The following CDH18 variants were observed in gnomAD, a reference collection of about 807,000 sequenced individuals.
CDH18 encodes cadherin 18, also known as cadherin-18.
Under a neutral mutation model 67.9 loss-of-function variants are expected in CDH18, and 31 were observed. That is an observed-to-expected ratio of 0.46 (90% CI 0.34 to 0.62). The LOEUF (loss-of-function observed/expected upper bound fraction) is 0.62, where lower values mean the gene tolerates loss of function less well. Among genes scored for constraint, CDH18 ranks in the 20% least tolerant of loss-of-function variants. The pLI, the probability that CDH18 is intolerant of heterozygous loss-of-function variation, is 0.01. For missense variants in CDH18, 890 were observed against 975.5 expected (o/e 0.91, Z 1.17); for synonymous variants, 362 against 347.2 (o/e 1.04, Z -0.48).
At chr5:20,172,819 T>C (rs1052511096) in intron 2 of CDH18, among the ~76,000 whole-genome samples, 1 of 151,796 alleles carries the variant, frequency 6.6e-6, no homozygotes, top group Non-Finnish European at 1.5e-5. Flanking sequence ...GGAGAAACCC[T>C]GTCTCTGCTA....
intron 2 of CDH18, among the ~76,000 whole-genome samples, chr5:20,075,661 G>A (rs1345395349): frequency 2.0e-5 from 3 of 152,122 alleles, no homozygotes; most frequent in South Asian, 2.1e-4. Flanking sequence ...TTTTTCATGC[G>A]AGGAGAAGGC....
chr5:20,417,187 G>A (rs1427712017), intron 1 of CDH18, among the ~76,000 whole-genome samples: 1 of 152,074 alleles, frequency 6.6e-6, no homozygotes, highest in Non-Finnish European at 1.5e-5. Flanking sequence ...GTAATTTGCT[G>A]ATAGTTTGTA....
At chr5:20,297,551 G>C (rs953103033) in intron 1 of CDH18, among the ~76,000 whole-genome samples, 3 of 152,118 alleles carry the variant, frequency 2.0e-5, no homozygotes, top group Non-Finnish European at 4.4e-5. Flanking sequence ...ATGAAAAAAG[G>C]CAAGTTGTGG....
chr5:19,690,797 A>G (rs1008879343), intron 5 of CDH18, among the ~76,000 whole-genome samples: 16 of 151,884 alleles, frequency 1.1e-4, no homozygotes, highest in African/African-American at 3.9e-4. Context: ...AAAAGCCTCA[A>G]AAGAGAGAAA....
intron 3 of CDH18, among the ~76,000 whole-genome samples, chr5:19,761,176 G>T: frequency 6.6e-6 from 1 of 152,016 alleles, no homozygotes; most frequent in East Asian, 1.9e-4. Flanking sequence ...CTGTTTTTCC[G>T]CAATTTCAGC....
intron 1 of CDH18, among the ~76,000 whole-genome samples, chr5:20,455,185 T>A (rs952650840): frequency 2.6e-5 from 4 of 152,080 alleles, no homozygotes; most frequent in African/African-American, 9.7e-5. Flanking sequence ...AAGAACGAGC[T>A]GATGGACTTT....
At chr5:19,504,765 T>C (rs1376910632) in intron 10 of CDH18, among the ~76,000 whole-genome samples, 1 of 152,074 alleles carries the variant, frequency 6.6e-6, no homozygotes, top group African/African-American at 2.4e-5. Context: ...GATTCTCCAG[T>C]GTGTGACCCT....
chr5:20,073,455 T>A (rs1418825586), intron 2 of CDH18, among the ~76,000 whole-genome samples: 3 of 152,050 alleles, frequency 2.0e-5, no homozygotes, highest in Admixed American at 6.6e-5. Context: ...ACCAGAATTT[T>A]TTTCTGTTGA....
intron 9 of CDH18, among the ~76,000 whole-genome samples, chr5:19,526,363 G>A (rs998896052): frequency 6.6e-6 from 1 of 152,122 alleles, no homozygotes; most frequent in African/African-American, 2.4e-5. Context: ...CCCCTCTAGA[G>A]ATAGTGATAC....
chr5:19,629,698 C>T (rs1231957466), intron 5 of CDH18, among the ~76,000 whole-genome samples: 3 of 152,114 alleles, frequency 2.0e-5, no homozygotes, highest in Admixed American at 6.6e-5. Flanking sequence ...ATTGGTTGAA[C>T]AAATTAGCTG....
intron 5 of CDH18, among the ~76,000 whole-genome samples, chr5:19,712,495 A>T (rs1399353284): frequency 6.6e-6 from 1 of 151,910 alleles, no homozygotes; most frequent in Non-Finnish European, 1.5e-5. Context: ...AAGATCAGAG[A>T]TTAGTTCTAA....
chr5:19,805,116 T>G (rs1777899961), intron 3 of CDH18, among the ~76,000 whole-genome samples: 1 of 151,886 alleles, frequency 6.6e-6, no homozygotes, highest in African/African-American at 2.4e-5. Context: ...CTGGCTAATT[T>G]TTGTATTTAT....
chr5:20,565,620 C>T (rs1581209093), intron 1 of CDH18, among the ~76,000 whole-genome samples: 1 of 151,766 alleles, frequency 6.6e-6, no homozygotes, highest in Non-Finnish European at 1.5e-5. Context: ...TTTCTTAGTG[C>T]TTTTGTGAAT....
chr5:19,522,250 C>CA lies in CDH18; in HGVS notation c.1391-1473dup, dbSNP rs11398487. Reference sequence around the variant, plus strand: ...TGCAATATTCATATATTCTAAAAACCATCCAATAAAACAACAAATGACAAG... The same window carrying CA: ...TGCAATATTCATATATTCTAAAAACCAATCCAATAAAACAACAAATGACAAG... On this transcript the variant is annotated intron_variant, in intron 9 of 12. Transcript: ENST00000382275. 9.4e-3 allele frequency among the ~76,000 whole-genome samples: 1,423 copies of CA among 151,694 alleles called. 27 individuals carry two copies. The highest frequency in any genetic ancestry group is 0.033 in the African/African-American group (1,360 of 41,362).
At chr5:19,738,873 T>G (rs906658113) in intron 4 of CDH18, among the ~76,000 whole-genome samples, 5 of 152,088 alleles carry the variant, frequency 3.3e-5, no homozygotes, top group Non-Finnish European at 1.5e-5. Context: ...TATATGCACA[T>G]CCTGTTCATA....
At chr5:19,510,812 A>AT (rs34739655) in intron 10 of CDH18, among the ~76,000 whole-genome samples, 66,171 of 144,056 alleles carry the variant, frequency 0.46, 14,955 homozygotes, top group South Asian at 0.55. Flanking sequence ...AGGAGATCTG[A>AT]TTTTTTTTTT....
chr5:20,242,631 T>TATATATAC (rs1264567583), intron 2 of CDH18, among the ~76,000 whole-genome samples: 1 of 91,302 alleles, frequency 1.1e-5, no homozygotes, highest in Non-Finnish European at 2.0e-5. Context: ...TATATATATA[T>TATATATAC]ATGTATATAT....
At chr5:20,167,229 C>T (rs960966168) in intron 2 of CDH18, among the ~76,000 whole-genome samples, 12 of 152,016 alleles carry the variant, frequency 7.9e-5, no homozygotes, top group African/African-American at 2.4e-4. Flanking sequence ...TGTATTTTTG[C>T]ACTGAATTTA....
chr5:20,242,590 T>C (rs551067495), intron 2 of CDH18, among the ~76,000 whole-genome samples: 1 of 12,180 alleles, frequency 8.2e-5, no homozygotes, highest in African/African-American at 7.2e-4. Context: ...TTGGGTTTCA[T>C]TGAGGGAAAA....
Sources: gnomAD v4.1 joint callset for allele counts (sites outside exome capture counted in the v4.1 genomes callset) on GRCh38, gnomAD v4.1.1 for gene constraint, MANE v1.5 for transcripts, NCBI Gene and HGNC (gene_info 2026-07-23, HGNC 2026-07-21) for gene names.